The following TNFRSF25 variants were observed in gnomAD, a reference collection of about 807,000 sequenced individuals.
The protein encoded by TNFRSF25 is tumor necrosis factor receptor superfamily member 25.
Under a neutral mutation model 49.4 loss-of-function variants are expected in TNFRSF25, and 28 were observed. The observed-to-expected ratio is 0.57, with a 90% CI of 0.42 to 0.78. The LOEUF is 0.78. TNFRSF25 is among the 30% of genes least tolerant of loss of function. The pLI is 0.00. For missense variants in TNFRSF25, 531 were observed against 581.6 expected, an observed-to-expected ratio of 0.91 and a Z score of 0.90; for synonymous variants, 240 against 234.2, an observed-to-expected ratio of 1.02 and a Z score of -0.23.
intron 3 of TNFRSF25, 131 bp downstream of exon 3, chr1:6,464,957 G>T: frequency 7.3e-7 from 1 of 1,378,324 alleles, no homozygotes; most frequent in Non-Finnish European, 9.9e-7. Flanking sequence ...CCTGAAGGAG[G>T]ATCAGGGTGG....
chr1:6,462,220 G>C lies in TNFRSF25; in HGVS notation c.745-46C>G, dbSNP rs376550530. On this transcript the variant is annotated intron_variant, in intron 8 of 9. Transcript: ENST00000356876. The surrounding 1 kb of genome is among the most constrained non-coding windows in gnomAD (Gnocchi z 4.2). ...CAGGTCAGCCCTGCTTGCCAAGTAA[G>C]GCCCCTTACCCGCAGTGCCTCTCCA... 329 of 1,559,592 alleles carry C rather than the reference G, an allele frequency of 2.1e-4. No homozygotes were observed. The highest frequency in any genetic ancestry group is 5.2e-4 in the Admixed American group (27 of 52,208).
chr1:6,463,652 G>C (rs1053506838), intron 5 of TNFRSF25: 3 of 152,822 alleles, frequency 2.0e-5, no homozygotes, highest in African/African-American at 7.5e-5. Flanking sequence ...CTTGAACCCA[G>C]GCAGCAGAGG....
At position 6,461,183 on chromosome 1, in the gene TNFRSF25, T is replaced by TAATA. The variant is rs1644159927; in HGVS notation, c.*247_*250dup. 1.4e-6 allele frequency: 1 copy of TAATA among 710,496 alleles called. No individual in the cohort carries two copies. The highest frequency in any genetic ancestry group is 2.6e-6 in the Non-Finnish European group (1 of 382,072). 44.0% of individuals were successfully genotyped at this position (710,496 alleles called of 1,614,324 possible). A position where few individuals can be genotyped will look rare whatever the true frequency, so the allele number is the denominator to read the frequency against. Reference sequence around the variant, plus strand: ...TTTGTTTTGTTTTCTTTCACAGATTTAATACCGCGATCTCAGCCAAACTCC... The same window carrying TAATA: ...TTTGTTTTGTTTTCTTTCACAGATTTAATAAATACCGCGATCTCAGCCAAACTCC... On this transcript the variant is annotated 3_prime_UTR_variant, in exon 10 of 10. Coordinates refer to ENST00000356876, the MANE Select transcript of TNFRSF25 (RefSeq NM_003790.3). The surrounding 1 kb of genome is among the most constrained non-coding windows in gnomAD (Gnocchi z 6.3).
At position 6,462,158 on chromosome 1, in the gene TNFRSF25, G is replaced by C. The variant is rs34529016; in HGVS notation, c.761C>G (p.Pro254Arg). The change falls in exon 9 of 10, where the codon CCC (proline) becomes CGC (arginine). Residue 254 changes from proline (P) to arginine (R), a missense_variant. Coordinates refer to ENST00000356876, the MANE Select transcript of TNFRSF25 (RefSeq NM_003790.3). This position sits in a 1 kb window ranked among gnomAD's most constrained non-coding sequence, Gnocchi z 4.2. Reference sequence around the variant, plus strand: ...TAGAAGGGTGTGGGCGCTGTCCAAGGGTGACAGATGGGTGGCCTGGAAGCC... The same window carrying C: ...TAGAAGGGTGTGGGCGCTGTCCAAGCGTGACAGATGGGTGGCCTGGAAGCC... ...LTPPPATHLS[P>R]LDSAHTLLAP... The C allele has an allele frequency of 1.5e-3, 2,361 of 1,605,424 alleles. 25 individuals carry two copies. The African/African-American group carries it at 0.027, about 19-fold the overall frequency.
chr1:6,466,146 GCTCTC>G lies in TNFRSF25; in HGVS notation c.-44_-40del, dbSNP rs749488701. ...GCGCCCAGGGGCTTCCCGGCTCCGT[GCTCTC>G]TGCCCGTCGTGGTTCCGCCTTCAGC... is the stretch of plus-strand genomic sequence containing the variant. On this transcript the variant is annotated 5_prime_UTR_variant, in exon 1 of 10. Coordinates refer to ENST00000356876, the MANE Select transcript of TNFRSF25 (RefSeq NM_003790.3). The G allele has an allele frequency of 3.3e-6, 4 of 1,212,676 alleles. No individual in the cohort carries two copies. The highest frequency in any genetic ancestry group is 6.9e-5 in the Admixed American group (2 of 28,804). The allele number at this position is 1,212,676 out of a possible 1,614,324, so 75.1% of individuals were successfully genotyped here.
rs1296166147 is a variant in TNFRSF25, at chr1:6,466,097, C to G, written c.11G>C (p.Arg4Pro). 5 of 1,572,224 alleles carry G rather than the reference C, an allele frequency of 3.2e-6. No homozygotes were observed. The highest frequency in any genetic ancestry group is 3.4e-6 in the Non-Finnish European group (4 of 1,162,192). The change falls in exon 1 of 10, where the codon CGG (arginine) becomes CCG (proline). Residue 4 changes from arginine (R) to proline (P), a missense_variant. By Grantham distance (103) the Arg-to-Pro change is moderately radical. Transcript: ENST00000356876. Reference sequence around the variant, plus strand: ...CGCCACCGCCGCGCAGCCCCGCGGCCGCTGCTCCATAGCCCTCCGACGGGC... The same window carrying G: ...CGCCACCGCCGCGCAGCCCCGCGGCGGCTGCTCCATAGCCCTCCGACGGGC... MEQ[R>P]PRGCAAVAAA...
In TNFRSF25 at chr1:6,461,231, T is replaced by C; in HGVS notation, c.*203A>G. ...TCCGGCCGAGAAGTTGAGAAATGTC[T>C]TCACCCCCTCTCGACATTCGTTCGT... On this transcript the variant is annotated 3_prime_UTR_variant, in exon 10 of 10. Transcript: ENST00000356876. This position sits in a 1 kb window ranked among gnomAD's most constrained non-coding sequence, Gnocchi z 6.3. 1 of 743,690 alleles carries C rather than the reference T, an allele frequency of 1.3e-6. No individual in the cohort carries two copies. The highest frequency in any genetic ancestry group is 2.4e-6 in the Non-Finnish European group (1 of 410,292). The allele number at this position is 743,690 out of a possible 1,614,324, so 46.1% of individuals were successfully genotyped here.
Position 6,461,559 on chromosome 1 carries a change from C to G in TNFRSF25, c.1129G>C (p.Glu377Gln). ...TGCTGGCGCCAGCGCTTGAGCATCT[C>G]GTACTGCTGGTCTCGGAAGCGGCCG... ...EIGRFRDQQY[E>Q]MLKRWRQQQP... is the part of the protein sequence containing the mutation. The change falls in exon 10 of 10, where the codon GAG (glutamate) becomes CAG (glutamine). Residue 377 changes from glutamate (E) to glutamine (Q), a missense_variant. Coordinates refer to ENST00000356876, the MANE Select transcript of TNFRSF25 (RefSeq NM_003790.3). The surrounding 1 kb of genome is among the most constrained non-coding windows in gnomAD (Gnocchi z 6.3). 6.2e-7 allele frequency: 1 copy of G among 1,610,154 alleles called. No individual in the cohort carries two copies. The highest frequency in any genetic ancestry group is 8.5e-7 in the Non-Finnish European group (1 of 1,179,420).
In TNFRSF25 at chr1:6,461,532, G is replaced by T; in HGVS notation, c.1156C>A (p.Gln386Lys). The T allele has an allele frequency of 6.2e-7, 1 of 1,607,230 alleles. No homozygotes were observed. Residue 386 changes from glutamine (Q) to lysine (K), a missense_variant, in exon 10 of 10, where the codon CAG becomes AAG. Coordinates refer to ENST00000356876, the MANE Select transcript of TNFRSF25 (RefSeq NM_003790.3). The surrounding 1 kb of genome is among the most constrained non-coding windows in gnomAD (Gnocchi z 6.3). ...TAAACGGCTCCGAGGCCCGCGGGCT[G>T]CTGCTGGCGCCAGCGCTTGAGCATC... ...YEMLKRWRQQ[Q>K]PAGLGAVYAA...
At chr1:6,465,854 A>C in intron 1 of TNFRSF25, 1 of 1,423,760 alleles carries the variant, frequency 7.0e-7, no homozygotes, top group Non-Finnish European at 9.1e-7. Context: ...AGGGACACTG[A>C]TAATGCTCTG....
Position 6,465,166 on chromosome 1 carries a change from A to G in TNFRSF25, c.217T>C (p.Cys73Arg). 6.2e-7 allele frequency: 1 copy of G among 1,613,850 alleles called. No homozygotes were observed. The highest frequency in any genetic ancestry group is 8.5e-7 in the Non-Finnish European group (1 of 1,179,984). The change falls in exon 3 of 10, where the codon TGT becomes CGT. Residue 73 changes from cysteine to arginine, a missense_variant. Physicochemically the swap from Cys to Arg is radical, Grantham distance 180 (BLOSUM62 -3). Transcript: ENST00000356876. Reference sequence around the variant, plus strand: ...CAGGCCAAGAAGGTGTCTTGGGGACACACAAGGCAGGTGGAGTTGCCGCAG... The same window carrying G: ...CAGGCCAAGAAGGTGTCTTGGGGACGCACAAGGCAGGTGGAGTTGCCGCAG... ...EPCGNSTCLV[C>R]PQDTFLAWEN... is the part of the protein sequence containing the mutation.
chr1:6,464,734 G>A lies in TNFRSF25; in HGVS notation c.296-15C>T, dbSNP rs752160918. 4 of 1,610,244 alleles carry A rather than the reference G, an allele frequency of 2.5e-6. No individual in the cohort carries two copies. The highest frequency in any genetic ancestry group is 2.5e-6 in the Non-Finnish European group (3 of 1,177,710). ...CACCTGGGAGGCTGGTGGGGGTGCA[G>A]GGAGATGGGGAGTGGAGAGTTAGTC... On this transcript the variant is annotated splice_polypyrimidine_tract_variant and intron_variant, in intron 3 of 9. Transcript: ENST00000356876.
At chr1:6,463,380 T>C in intron 5 of TNFRSF25, 1 of 584,284 alleles carries the variant, frequency 1.7e-6, no homozygotes, top group Non-Finnish European at 3.1e-6. Context: ...TTGTCCCCTG[T>C]TGCATCCCCA....
chr1:6,461,999 G>A lies in TNFRSF25; in HGVS notation c.920C>T (p.Ala307Val). 1.9e-6 allele frequency: 3 copies of A among 1,607,046 alleles called. No homozygotes were observed. The highest frequency in any genetic ancestry group is 2.5e-6 in the Non-Finnish European group (3 of 1,177,560). ...TWSWDQLPSR[A>V]LGPAAAPTLS... Reference sequence around the variant, plus strand: ...AGGCCACTGATGTCCCTTACCAAGAGCTCTGCTGGGCAACTGGTCCCAGGA... The same window carrying A: ...AGGCCACTGATGTCCCTTACCAAGAACTCTGCTGGGCAACTGGTCCCAGGA... Residue 307 changes from alanine (A) to valine (V), a missense_variant, in exon 9 of 10, where the codon GCT becomes GTT. Transcript: ENST00000356876. The surrounding 1 kb of genome is among the most constrained non-coding windows in gnomAD (Gnocchi z 6.3).
At chr1:6,465,860 C>T (rs11574660) in intron 1 of TNFRSF25, 123,762 of 1,422,936 alleles carry the variant, frequency 0.087, 5,984 homozygotes, top group Admixed American at 0.14. Context: ...ACTGATAATG[C>T]TCTGCCTGGG....
Position 6,462,601 on chromosome 1 carries a change from G to A in TNFRSF25, c.744+28C>T. 3.7e-6 allele frequency: 6 copies of A among 1,607,350 alleles called. No homozygotes were observed. The highest frequency in any genetic ancestry group is 5.1e-6 in the Non-Finnish European group (6 of 1,177,318). On this transcript the variant is annotated intron_variant, in intron 8 of 9. Transcript: ENST00000356876. The surrounding 1 kb of genome is among the most constrained non-coding windows in gnomAD (Gnocchi z 4.2). ...CTTGATCTTCCAGCTCCAGAAGGCA[G>A]CCCAGAATCACACAGTGAGGTTCTT...
chr1:6,463,250 A>C, intron 5 of TNFRSF25, 123 bp from the exon 6 acceptor site: 1 of 928,178 alleles, frequency 1.1e-6, no homozygotes, highest in Non-Finnish European at 1.6e-6. Flanking sequence ...ACTCTACCCA[A>C]GAATGTTCCT....
chr1:6,463,277 TAAC>T (rs1235549912), intron 5 of TNFRSF25, 150 bp from the exon 6 acceptor site: 18 of 730,794 alleles, frequency 2.5e-5, no homozygotes, highest in African/African-American at 3.5e-5. Context: ...GTGTCCCTGG[TAAC>T]AACCACAGAC....
chr1:6,462,742 G>T lies in TNFRSF25; in HGVS notation c.707-76C>A. ...CTGGGTGCTGGTACAGCTCCTCTAGGGTTCCTCTGCACCCCACACTCCCTG... is the reference window on the plus strand; with the variant it reads ...CTGGGTGCTGGTACAGCTCCTCTAGTGTTCCTCTGCACCCCACACTCCCTG... On this transcript the variant is annotated intron_variant, in intron 7 of 9. Transcript: ENST00000356876. The surrounding 1 kb of genome is among the most constrained non-coding windows in gnomAD (Gnocchi z 4.2). 1 of 1,593,264 alleles carries T rather than the reference G, an allele frequency of 6.3e-7. No homozygotes were observed. Among genetic ancestry groups the T allele is most frequent in the Non-Finnish European group, 8.5e-7 (1 of 1,169,626 alleles).
Sources: gnomAD v4.1 joint callset for allele counts on GRCh38, gnomAD v4.1.1 for gene constraint, Gnocchi (gnomAD v3.1) non-coding constraint, MANE v1.5 for transcripts, NCBI Gene and HGNC (gene_info 2026-07-23, HGNC 2026-07-21) for gene names.